The following OTOGL variants were observed in gnomAD, a reference collection of about 807,000 sequenced individuals.
OTOGL encodes otogelin like, also known as otogelin-like protein.
OTOGL carries 285 observed loss-of-function variants against 318.5 expected under a neutral mutation model. That is an observed-to-expected ratio of 0.89 (90% CI 0.81 to 0.99). The LOEUF (loss-of-function observed/expected upper bound fraction) is 0.99. Ranked by LOEUF, OTOGL falls within the 50% of genes least tolerant of loss-of-function variation. The pLI is 0.00. For synonymous variants in OTOGL, 987 were observed against 936.5 expected (o/e 1.05, Z -0.99); for missense variants, 2,899 against 2,845.6 (o/e 1.02, Z -0.43).
intron 1 of OTOGL, among the ~76,000 whole-genome samples, chr12:80,206,082 C>T (rs1876786732): frequency 1.3e-5 from 2 of 152,188 alleles, no homozygotes; most frequent in African/African-American, 4.8e-5. Flanking sequence ...AACTTAATAT[C>T]ACTTCACAAG....
chr12:80,331,417 T>G (rs1384451772), intron 37 of OTOGL, among the ~76,000 whole-genome samples: 1 of 139,682 alleles, frequency 7.2e-6, no homozygotes, highest in Non-Finnish European at 1.5e-5. Flanking sequence ...CTTGGCTCAC[T>G]GCAACCTCCA....
At chr12:80,323,953 A>T (rs1422878247) in intron 35 of OTOGL, 113 bp downstream of exon 35, 3 of 743,390 alleles carry the variant, frequency 4.0e-6, no homozygotes, top group Non-Finnish European at 6.7e-6. Flanking sequence ...TATGCTATAT[A>T]TTCTTTCATG....
intron 9 of OTOGL, 97 bp from the exon 10 acceptor site, chr12:80,238,754 G>T: frequency 1.6e-6 from 2 of 1,256,946 alleles, no homozygotes; most frequent in South Asian, 6.0e-5. Flanking sequence ...TTAATGTTTT[G>T]ACCAGGAAGT....
chr12:80,215,457 G>A (rs752512076), intron 4 of OTOGL, among the ~76,000 whole-genome samples: 8 of 151,980 alleles, frequency 5.3e-5, no homozygotes, highest in Non-Finnish European at 8.8e-5. Context: ...GTGAGCCACC[G>A]CGCCCGGCCT....
intron 5 of OTOGL, among the ~76,000 whole-genome samples, chr12:80,218,770 G>T (rs928861518): frequency 2.1e-4 from 31 of 148,000 alleles, no homozygotes; most frequent in Admixed American, 4.0e-4. Context: ...TTTAAGTATA[G>T]ATTTCTTTTT....
Position 80,255,153 on chromosome 12 carries a change from A to G in OTOGL, c.1555A>G (p.Thr519Ala). 6.6e-7 allele frequency: 1 copy of G among 1,523,646 alleles called. No individual in the cohort carries two copies. Among genetic ancestry groups the G allele is most frequent in the Non-Finnish European group, 8.8e-7 (1 of 1,139,980 alleles). The allele number at this position is 1,523,646 out of a possible 1,614,324, so 94.4% of individuals were successfully genotyped here. A position where few individuals can be genotyped will look rare whatever the true frequency, so the allele number is the denominator to read the frequency against. The change falls in exon 16 of 59, where the codon ACG becomes GCG. Residue 519 changes from threonine to alanine, a missense_variant. Around this residue, in one of 3 missense-constraint regions of OTOGL, gnomAD observed 2,607 missense variants for 2,524.9 expected, o/e 1.03. Coordinates refer to ENST00000547103, the MANE Select transcript of OTOGL (RefSeq NM_001378609.3). Reference sequence around the variant, plus strand: ...GAAAGGAACTGGAAAAGATAAATTCACGATTACTTTACAGAAAGCTCCCTG... The same window carrying G: ...GAAAGGAACTGGAAAAGATAAATTCGCGATTACTTTACAGAAAGCTCCCTG... ...LVKGTGKDKF[T>A]ITLQKAPCEQ...
chr12:80,224,055 G>A (rs1404511947), intron 7 of OTOGL, among the ~76,000 whole-genome samples: 7 of 152,018 alleles, frequency 4.6e-5, no homozygotes, highest in African/African-American at 1.7e-4. Flanking sequence ...AATTTGTATG[G>A]TTTCACGTCT....
At chr12:80,118,254 G>T (rs2137093237) in intron 1 of OTOGL, among the ~76,000 whole-genome samples, 1 of 152,276 alleles carries the variant, frequency 6.6e-6, no homozygotes, top group South Asian at 2.1e-4. Flanking sequence ...CATGTTTTGT[G>T]CTCCTAGATT....
At chr12:80,268,102 T>C (rs1883135907) in intron 22 of OTOGL, among the ~76,000 whole-genome samples, 1 of 152,148 alleles carries the variant, frequency 6.6e-6, no homozygotes. Context: ...GGTTATAAAT[T>C]TTCTGTTGAA....
rs770909019 is a variant in OTOGL at position 80,377,209 on chromosome 12, G to A, written c.6861+7G>A. 2 of 1,584,674 alleles carry A rather than the reference G, an allele frequency of 1.3e-6. No homozygotes were observed. The highest frequency in any genetic ancestry group is 2.3e-5 in the South Asian group (2 of 87,672). On this transcript the variant is annotated splice_region_variant and intron_variant, in intron 58 of 58. Transcript: ENST00000547103. Reference sequence around the variant, plus strand: ...CTGTATGAGCCAAAGCCCTGTAAGTGGAAAAATGTCATTTGCTACATAAAT... The same window carrying A: ...CTGTATGAGCCAAAGCCCTGTAAGTAGAAAAATGTCATTTGCTACATAAAT...
At chr12:80,267,127 C>A in intron 21 of OTOGL, 126 bp from the exon 22 acceptor site, 1 of 423,056 alleles carries the variant, frequency 2.4e-6, no homozygotes, top group Non-Finnish European at 4.0e-6. Context: ...TGCATGCAGT[C>A]TTGTAGAATA....
In OTOGL at chr12:80,167,173, G is replaced by A. The variant is rs145360492; in HGVS notation, c.-19-42240G>A. ...AGCTCTAGTCTTTTCCCTGGGAACA[G>A]TCACGGAGTTGGAAAAGAAACAGAT... is the stretch of plus-strand genomic sequence containing the variant. On this transcript the variant is annotated intron_variant, in intron 1 of 58. Coordinates refer to ENST00000547103, the MANE Select transcript of OTOGL (RefSeq NM_001378609.3). Among the ~76,000 whole-genome samples the A allele has an allele frequency of 1.9e-4, 29 of 152,148 alleles. No individual in the cohort carries two copies. The East Asian group carries it at 4.6e-3, about 24-fold the overall frequency.
At chr12:80,309,331 A>G (rs1357099434) in intron 29 of OTOGL, among the ~76,000 whole-genome samples, 1 of 152,190 alleles carries the variant, frequency 6.6e-6, no homozygotes, top group Non-Finnish European at 1.5e-5. Context: ...TGATGGTCCA[A>G]GAAAGGTTCC....
At chr12:80,345,054 T>A (rs112665400) in intron 44 of OTOGL, among the ~76,000 whole-genome samples, 3 of 129,616 alleles carry the variant, frequency 2.3e-5, no homozygotes, top group African/African-American at 8.6e-5. Flanking sequence ...TATTATATGT[T>A]ATATTTTATA....
intron 1 of OTOGL, among the ~76,000 whole-genome samples, chr12:80,193,974 A>G (rs568296814): frequency 1.3e-5 from 2 of 152,324 alleles, no homozygotes; most frequent in Admixed American, 1.3e-4. Flanking sequence ...GGAGTTAGTG[A>G]TGGCACAGAA....
intron 22 of OTOGL, among the ~76,000 whole-genome samples, chr12:80,268,423 G>A (rs993344031): frequency 6.6e-6 from 1 of 152,106 alleles, no homozygotes; most frequent in African/African-American, 2.4e-5. Context: ...TTAGTCCCAG[G>A]CAACCTGGCT....
intron 46 of OTOGL, among the ~76,000 whole-genome samples, chr12:80,354,943 T>G (rs912830885): frequency 4.6e-5 from 7 of 152,182 alleles, no homozygotes; most frequent in African/African-American, 1.7e-4. Context: ...ACTTTTAGAT[T>G]TTAAAGCAGA....
chr12:80,200,518 A>G (rs1876382894), intron 1 of OTOGL, among the ~76,000 whole-genome samples: 1 of 152,242 alleles, frequency 6.6e-6, no homozygotes. Flanking sequence ...ACCCTCATCC[A>G]AGACTCCTTG....
chr12:80,248,983 A>T (rs1881197945), intron 11 of OTOGL, among the ~76,000 whole-genome samples: 1 of 145,784 alleles, frequency 6.9e-6, no homozygotes, highest in South Asian at 2.1e-4. Context: ...TGCATTCTTC[A>T]CGTAGTTCTC....
Sources: gnomAD v4.1 joint callset for allele counts (sites outside exome capture counted in the v4.1 genomes callset) on GRCh38, gnomAD v4.1.1 for gene constraint, gnomAD v4.1.1 regional missense constraint, MANE v1.5 for transcripts, NCBI Gene and HGNC (gene_info 2026-07-23, HGNC 2026-07-21) for gene names.